SLC4A4: variants seen among roughly 807,000 people sequenced by gnomAD.
SLC4A4 encodes the protein solute carrier family 4 member 4.
A neutral mutation model predicts 111.5 loss-of-function variants in SLC4A4; 27 were observed. That is an observed-to-expected ratio of 0.24 (90% CI 0.18 to 0.33). The LOEUF is 0.33. Ranked by LOEUF, SLC4A4 falls within the 10% of genes least tolerant of loss-of-function variation. SLC4A4 has a pLI of 1.00. For synonymous variants in SLC4A4, 443 were observed against 463.4 expected (o/e 0.96, Z 0.57); for missense variants, 909 against 1,315.5 (o/e 0.69, Z 4.78).
intron 1 of SLC4A4, among the ~76,000 whole-genome samples, chr4:71,215,417 A>G (rs1013510): frequency 0.097 from 14,707 of 152,198 alleles, 1,058 homozygotes; most frequent in Admixed American, 0.24. Context: ...TTCAAGCACT[A>G]TTCATTTGAT....
chr4:71,190,980 C>T (rs866891894), intron 1 of SLC4A4, among the ~76,000 whole-genome samples: 1 of 152,190 alleles, frequency 6.6e-6, no homozygotes, highest in Non-Finnish European at 1.5e-5. Context: ...ATCTATACTT[C>T]GAGTACTGGT....
At chr4:71,368,043 T>C (rs898411760) in intron 6 of SLC4A4, among the ~76,000 whole-genome samples, 12 of 152,210 alleles carry the variant, frequency 7.9e-5, no homozygotes, top group Admixed American at 7.2e-4. Context: ...ATGATCTTTA[T>C]TAAGTCAAAT....
chr4:71,269,904 C>T (rs1722583058), intron 3 of SLC4A4, among the ~76,000 whole-genome samples: 1 of 152,296 alleles, frequency 6.6e-6, no homozygotes, highest in Admixed American at 6.5e-5. Flanking sequence ...TCTCCATTCT[C>T]GTGATCTGTG....
chr4:71,484,565 C>T (rs926803581), intron 14 of SLC4A4, among the ~76,000 whole-genome samples: 5 of 151,786 alleles, frequency 3.3e-5, no homozygotes, highest in African/African-American at 1.2e-4. Context: ...GTTTTTGTTA[C>T]TAGAGCCAGG....
At chr4:71,489,215 C>T (rs1050417092) in intron 15 of SLC4A4, among the ~76,000 whole-genome samples, 6 of 151,792 alleles carry the variant, frequency 4.0e-5, no homozygotes, top group Non-Finnish European at 7.4e-5. Flanking sequence ...AGTTAACTGA[C>T]CTCCCAAAGA....
At chr4:71,127,394 G>A (rs1212353393) in intron 2 of SLC4A4, among the ~76,000 whole-genome samples, 1 of 152,124 alleles carries the variant, frequency 6.6e-6, no homozygotes, top group Non-Finnish European at 1.5e-5. Context: ...ATAGAACATT[G>A]CTGAACTTAA....
At chr4:71,144,405 G>C (rs1384759386) in intron 2 of SLC4A4, among the ~76,000 whole-genome samples, 1 of 152,114 alleles carries the variant, frequency 6.6e-6, no homozygotes, top group Non-Finnish European at 1.5e-5. Context: ...TGTTCTTTTG[G>C]CTTAGGATTT....
At chr4:71,357,617 C>CT (rs1373166476) in intron 6 of SLC4A4, among the ~76,000 whole-genome samples, 1 of 152,122 alleles carries the variant, frequency 6.6e-6, no homozygotes, top group East Asian at 1.9e-4. Flanking sequence ...AAAGTGTTTG[C>CT]TTAGTATGTG....
At chr4:71,148,996 A>G (rs1373405918) in intron 2 of SLC4A4, among the ~76,000 whole-genome samples, 2 of 152,174 alleles carry the variant, frequency 1.3e-5, no homozygotes, top group Admixed American at 6.5e-5. Flanking sequence ...GAATTAATTT[A>G]CACTCCCAAC....
intron 1 of SLC4A4, among the ~76,000 whole-genome samples, chr4:71,190,591 C>G (rs1745689605): frequency 6.6e-6 from 1 of 152,170 alleles, no homozygotes; most frequent in Admixed American, 6.5e-5. Context: ...GAGCCAGGTG[C>G]AGTGGTCCCA....
intron 3 of SLC4A4, among the ~76,000 whole-genome samples, chr4:71,329,942 G>A (rs918989842): frequency 6.6e-6 from 1 of 152,106 alleles, no homozygotes; most frequent in Non-Finnish European, 1.5e-5. Context: ...GATACTAGGT[G>A]TAGGTCTGTT....
chr4:71,183,426 T>C (rs1181334222), upstream of SLC4A4, among the ~76,000 whole-genome samples: 1 of 152,214 alleles, frequency 6.6e-6, no homozygotes, highest in Non-Finnish European at 1.5e-5. Context: ...AAAAAGGGGC[T>C]ACAGGTATTT....
chr4:71,121,910 G>A (rs562542451), intron 2 of SLC4A4, among the ~76,000 whole-genome samples: 23 of 152,148 alleles, frequency 1.5e-4, no homozygotes, highest in Non-Finnish European at 2.6e-4. Context: ...AGGCCAGCAA[G>A]ACCAGGAACC....
In SLC4A4 at chr4:71,102,322, A is replaced by G. The variant is rs894443659; in HGVS notation, c.-2+9530A>G. Among the ~76,000 whole-genome samples, 5 of 150,396 alleles carry G rather than the reference A, an allele frequency of 3.3e-5. No individual in the cohort carries two copies. The East Asian group carries it at 9.9e-4, about 30-fold the overall frequency. ...GGTGTACCTGAAAGTGATGGGGAGA[A>G]TGGAACCAAGTTGGAAAACACTCTG... On this transcript the variant is annotated intron_variant, in intron 2 of 26. Coordinates refer to the SLC4A4 transcript ENST00000649996.
chr4:71,461,729 A>C (rs1726846622), intron 12 of SLC4A4, among the ~76,000 whole-genome samples: 1 of 152,112 alleles, frequency 6.6e-6, no homozygotes, highest in Non-Finnish European at 1.5e-5. Context: ...GACTTGTCCT[A>C]ATTTCTTGAC....
chr4:71,250,044 G>GA (rs1311913746), intron 2 of SLC4A4, among the ~76,000 whole-genome samples: 1 of 152,012 alleles, frequency 6.6e-6, no homozygotes, highest in African/African-American at 2.4e-5. Context: ...TTTTAACTGA[G>GA]ATTTTTTTTT....
intron 1 of SLC4A4, among the ~76,000 whole-genome samples, chr4:71,191,631 C>T (rs777128235): frequency 6.6e-6 from 1 of 152,174 alleles, no homozygotes; most frequent in Admixed American, 6.5e-5. Flanking sequence ...TGCTCAGTAG[C>T]AGTGCCCACT....
At chr4:71,098,849 C>CA (rs1560718106) in intron 2 of SLC4A4, among the ~76,000 whole-genome samples, 1 of 151,938 alleles carries the variant, frequency 6.6e-6, no homozygotes, top group African/African-American at 2.4e-5. Flanking sequence ...AAACAAAGAT[C>CA]AAAAAAGAGA....
At position 71,433,256 on chromosome 4, in the gene SLC4A4, AC is replaced by A. The variant is rs560828712; in HGVS notation, c.808-7355del. Among the ~76,000 whole-genome samples, 7 of 144,410 alleles carry A rather than the reference AC, an allele frequency of 4.8e-5. No homozygotes were observed. The South Asian group carries it at 1.6e-3, about 33-fold the overall frequency. 94.7% of individuals were successfully genotyped at this position (144,410 alleles called of 152,430 possible). On this transcript the variant is annotated intron_variant, in intron 7 of 25. Transcript: ENST00000264485. Reference sequence around the variant, plus strand: ...CATAATCCCGCCAAATCTCCCAATCACCCCCATTAGTCTCATCTAGTCTGCC... The same window carrying A: ...CATAATCCCGCCAAATCTCCCAATCACCCCATTAGTCTCATCTAGTCTGCC...
Sources: gnomAD v4.1 joint callset for allele counts (sites outside exome capture counted in the v4.1 genomes callset) on GRCh38, gnomAD v4.1.1 for gene constraint, MANE v1.5 for transcripts, NCBI Gene and HGNC (gene_info 2026-07-23, HGNC 2026-07-21) for gene names.